VPS13D: variants seen among roughly 807,000 people sequenced by gnomAD.
VPS13D encodes the protein intermembrane lipid transfer protein VPS13D.
Under a neutral mutation model 461.9 loss-of-function variants are expected in VPS13D, and 187 were observed. The ratio of observed to expected loss-of-function variants is 0.40; its 90% CI spans 0.36 to 0.46. The LOEUF (loss-of-function observed/expected upper bound fraction) is 0.46. Ranked by LOEUF, VPS13D falls within the 20% of genes least tolerant of loss-of-function variation. VPS13D has a pLI of 0.60. For synonymous variants in VPS13D, 1,951 were observed against 1,986.3 expected, an observed-to-expected ratio of 0.98 and a Z score of 0.47; for missense variants, 4,711 against 5,364.9, an observed-to-expected ratio of 0.88 and a Z score of 3.81.
At chr1:12,410,222 G>T (rs1241625313) in intron 63 of VPS13D, among the ~76,000 whole-genome samples, 4 of 152,222 alleles carry the variant, frequency 2.6e-5, no homozygotes, top group Non-Finnish European at 5.9e-5. Context: ...TGGCAGCTAA[G>T]AGGCTGAAGA....
At chr1:12,357,200 G>A (rs1200787897) in intron 49 of VPS13D, among the ~76,000 whole-genome samples, 1 of 152,168 alleles carries the variant, frequency 6.6e-6, no homozygotes, top group Non-Finnish European at 1.5e-5. Context: ...ATGCCATACC[G>A]TGTTATCGGT....
intron 10 of VPS13D, among the ~76,000 whole-genome samples, chr1:12,259,129 C>CA: frequency 6.6e-6 from 1 of 151,550 alleles, no homozygotes; most frequent in East Asian, 1.9e-4. Context: ...CAACCTCCGT[C>CA]ACCCTGGGCT....
chr1:12,375,175 T>C (rs760889947), intron 55 of VPS13D, among the ~76,000 whole-genome samples: 25 of 152,276 alleles, frequency 1.6e-4, no homozygotes, highest in Middle Eastern at 3.4e-3. Context: ...AATCTTATAT[T>C]TTTCCCTGCA....
chr1:12,237,051 TTGTG>T (rs1044690670), intron 2 of VPS13D, among the ~76,000 whole-genome samples: 3 of 151,192 alleles, frequency 2.0e-5, no homozygotes, highest in Admixed American at 2.0e-4. Context: ...TTCAAAGAGA[TTGTG>T]TGTGTGTGTA....
chr1:12,449,228 G>A (rs1467710186), intron 65 of VPS13D, among the ~76,000 whole-genome samples: 1 of 151,696 alleles, frequency 6.6e-6, no homozygotes, highest in Non-Finnish European at 1.5e-5. Flanking sequence ...TTTTATTCAG[G>A]GTCCCCTTTC....
chr1:12,394,922 A>G lies in VPS13D; in HGVS notation c.11635-5259A>G, dbSNP rs142718027. Reference sequence around the variant, plus strand: ...CCTGATCCAACCCTATGTTCCTTCCACTATTATCCCATACCCTTAATATCC... The same window carrying G: ...CCTGATCCAACCCTATGTTCCTTCCGCTATTATCCCATACCCTTAATATCC... On this transcript the variant is annotated intron_variant, in intron 60 of 69. Coordinates refer to ENST00000620676, the MANE Select transcript of VPS13D (RefSeq NM_015378.4). Among the ~76,000 whole-genome samples the G allele has an allele frequency of 4.7e-3, 709 of 152,282 alleles. 7 individuals are homozygous for G. Among genetic ancestry groups the G allele is most frequent in the African/African-American group, 0.016 (675 of 41,552 alleles).
chr1:12,409,894 G>A (rs1644701108), intron 63 of VPS13D: 1 of 456,156 alleles, frequency 2.2e-6, no homozygotes, highest in Middle Eastern at 3.3e-4. Flanking sequence ...AACTCAGTAA[G>A]GTGAGCCCAA....
At chr1:12,394,956 A>G (rs1367359870) in intron 60 of VPS13D, among the ~76,000 whole-genome samples, 1 of 152,128 alleles carries the variant, frequency 6.6e-6, no homozygotes, top group Admixed American at 6.5e-5. Flanking sequence ...CCATTCCCGT[A>G]TCTGTTCTCC....
intron 16 of VPS13D, among the ~76,000 whole-genome samples, chr1:12,270,168 A>G (rs1436322092): frequency 6.6e-6 from 1 of 151,862 alleles, no homozygotes; most frequent in Non-Finnish European, 1.5e-5. Context: ...AAGAAAGAAT[A>G]TAGAAAGGCT....
rs1641713009 is a variant in VPS13D, at chr1:12,279,447, A to G, written c.4451-52A>G. The G allele has an allele frequency of 9.9e-6, 15 of 1,515,018 alleles. No individual in the cohort carries two copies. The highest frequency in any genetic ancestry group is 1.3e-5 in the Non-Finnish European group (14 of 1,119,316). 93.8% of individuals were successfully genotyped at this position (1,515,018 alleles called of 1,614,324 possible). On this transcript the variant is annotated intron_variant, in intron 19 of 69. Coordinates refer to ENST00000620676, the MANE Select transcript of VPS13D (RefSeq NM_015378.4). This position sits in a 1 kb window ranked among gnomAD's most constrained non-coding sequence, Gnocchi z 4.3. ...TATATTCTACGTTTAATCAGCAGTAATGAAGTAAATATTAAGGTTTATGGT... is the reference window on the plus strand; with the variant it reads ...TATATTCTACGTTTAATCAGCAGTAGTGAAGTAAATATTAAGGTTTATGGT...
intron 18 of VPS13D, among the ~76,000 whole-genome samples, chr1:12,275,435 G>A (rs1227475490): frequency 6.6e-6 from 1 of 151,926 alleles, no homozygotes; most frequent in African/African-American, 2.4e-5. Context: ...ACATTCCAGT[G>A]GGGGAAACAA....
rs1643603999 is a variant in VPS13D, at chr1:12,342,981, G to C, written c.8815G>C (p.Glu2939Gln). Reference sequence around the variant, plus strand: ...TCTCGATGATACTCACAATGTTAGTGAATGGCGAGAAGTCCTTACAGGTGA... The same window carrying C: ...TCTCGATGATACTCACAATGTTAGTCAATGGCGAGAAGTCCTTACAGGTGA... ...TFLDDTHNVSEWREVLTGEEI... is the reference protein window; with the variant it reads ...TFLDDTHNVSQWREVLTGEEI... Residue 2939 changes from glutamate (E) to glutamine (Q), a missense_variant, in exon 42 of 70, where the codon GAA becomes CAA. Coordinates refer to ENST00000620676, the MANE Select transcript of VPS13D (RefSeq NM_015378.4). 6.2e-7 allele frequency: 1 copy of C among 1,613,864 alleles called. No homozygotes were observed. Among genetic ancestry groups the C allele is most frequent in the South Asian group, 1.1e-5 (1 of 91,072 alleles).
At chr1:12,240,642 C>T (rs1353731660) in intron 2 of VPS13D, among the ~76,000 whole-genome samples, 1 of 147,456 alleles carries the variant, frequency 6.8e-6, no homozygotes, top group Non-Finnish European at 1.5e-5. Context: ...ATAAATCATG[C>T]TCTTCAAAAG....
rs780539896 is a variant in VPS13D at position 12,400,348 on chromosome 1, G to T, written c.11784+18G>T. The T allele has an allele frequency of 6.2e-6, 10 of 1,613,310 alleles. No individual in the cohort carries two copies. The East Asian group carries it at 2.2e-4, about 36-fold the overall frequency. On this transcript the variant is annotated intron_variant, in intron 61 of 69. Transcript: ENST00000620676. ...TCTACAAGGTGGGCTGGTGGAGGAG[G>T]CTGGTGGGTTGATGCCATGCTGGAA...
chr1:12,461,581 G>C (rs562656098), intron 67 of VPS13D, among the ~76,000 whole-genome samples: 1 of 152,292 alleles, frequency 6.6e-6, no homozygotes, highest in African/African-American at 2.4e-5. Context: ...CAGTGAGGAG[G>C]CTTCGAAAGT....
intron 16 of VPS13D, 139 bp from the exon 17 acceptor site, chr1:12,270,855 C>T (rs561150568): frequency 8.8e-5 from 99 of 1,125,094 alleles, no homozygotes; most frequent in African/African-American, 4.2e-4. Context: ...GCTGGGATTA[C>T]GAGTGTGAGC....
At chr1:12,484,322 G>C (rs1455797796) in intron 67 of VPS13D, among the ~76,000 whole-genome samples, 1 of 152,164 alleles carries the variant, frequency 6.6e-6, no homozygotes, top group African/African-American at 2.4e-5. Flanking sequence ...ACATGGGCTA[G>C]GTTTCCTACA....
In VPS13D at chr1:12,244,905, T is replaced by A. The variant is rs1259203411; in HGVS notation, c.447+288T>A. ...CGCACTTTCTTTTTGAATGTTGGAA[T>A]CCCACTTGCTCAAGGATTTATGGCC... is the stretch of plus-strand genomic sequence containing the variant. On this transcript the variant is annotated intron_variant, in intron 5 of 69. Coordinates refer to ENST00000620676, the MANE Select transcript of VPS13D (RefSeq NM_015378.4). Among the ~76,000 whole-genome samples the A allele has an allele frequency of 4.6e-5, 7 of 152,238 alleles. 1 individual carries two copies.
chr1:12,312,042 G>GTGAC, intron 29 of VPS13D, 117 bp downstream of exon 29: 1 of 676,518 alleles, frequency 1.5e-6, no homozygotes, highest in Non-Finnish European at 2.3e-6. Context: ...AATGTTGTCT[G>GTGAC]CAGAGTGTCT....
Sources: gnomAD v4.1 joint callset for allele counts (sites outside exome capture counted in the v4.1 genomes callset) on GRCh38, gnomAD v4.1.1 for gene constraint, Gnocchi (gnomAD v3.1) non-coding constraint, MANE v1.5 for transcripts, NCBI Gene and HGNC (gene_info 2026-07-23, HGNC 2026-07-21) for gene names.